Variants in RERG observed in about 807,000 individuals in gnomAD.
The protein encoded by RERG is ras-related and estrogen-regulated growth inhibitor.
RERG carries 25 observed loss-of-function variants against 23.2 expected under a neutral mutation model. That is an observed-to-expected ratio of 1.08 (90% confidence interval 0.79 to 1.50). The LOEUF (loss-of-function observed/expected upper bound fraction) is 1.50, where lower values mean the gene tolerates loss of function less well. RERG is among the 40% of genes most tolerant of loss of function. The pLI is 0.00. For synonymous variants in RERG, 81 were observed against 89.1 expected, an observed-to-expected ratio of 0.91 and a Z score of 0.51; for missense variants, 253 against 250.1, an observed-to-expected ratio of 1.01 and a Z score of -0.08.
Position 15,208,699 on chromosome 12 carries a change from A to T in RERG, c.61+8730T>A, listed in dbSNP as rs544898954. The stretch of plus-strand genomic sequence containing the variant: ...AATGAACAACTGAATGAATGAATAA[A>T]AATATATTTTAAGATTGTAGGGAAA... On this transcript the variant is annotated intron_variant, in intron 2 of 4. Coordinates refer to ENST00000256953, the MANE Select transcript of RERG (RefSeq NM_032918.3). Among the ~76,000 whole-genome samples the T allele has an allele frequency of 3.7e-4, 56 of 152,314 alleles. 1 individual carries two copies. The highest frequency in any genetic ancestry group is 6.3e-4 in the Non-Finnish European group (43 of 68,022).
chr12:15,184,595 C>A (rs1267359150), intron 2 of RERG, among the ~76,000 whole-genome samples: 1 of 152,154 alleles, frequency 6.6e-6, no homozygotes, highest in Non-Finnish European at 1.5e-5. Context: ...ATCATTATTA[C>A]AGGCTGTAAA....
chr12:15,145,999 T>C (rs528874657), intron 2 of RERG, among the ~76,000 whole-genome samples: 1 of 152,322 alleles, frequency 6.6e-6, no homozygotes, highest in East Asian at 1.9e-4. Context: ...ACAAGCCCTT[T>C]GGGAGAAATG....
At chr12:15,113,864 C>T (rs2136083882) in intron 3 of RERG, among the ~76,000 whole-genome samples, 1 of 151,958 alleles carries the variant, frequency 6.6e-6, no homozygotes, top group African/African-American at 2.4e-5. Flanking sequence ...TTTTGAGACG[C>T]TCAAGAAACT....
rs549044598 is a variant in RERG, at chr12:15,183,461, CT to C, written c.61+33967del. On this transcript the variant is annotated intron_variant, in intron 2 of 4. Coordinates refer to ENST00000256953, the MANE Select transcript of RERG (RefSeq NM_032918.3). Reference sequence around the variant, plus strand: ...TGAAATATATATTAATAAAGTATCTCTTTTTTAGATAAAAAAGGCATTTATC... The same window carrying C: ...TGAAATATATATTAATAAAGTATCTCTTTTTAGATAAAAAAGGCATTTATC... Among the ~76,000 whole-genome samples the C allele has an allele frequency of 7.2e-4, 110 of 152,056 alleles. 1 individual carries two copies. The South Asian group carries it at 0.023, about 31-fold the overall frequency.
At chr12:15,121,875 T>C (rs2136088913) in intron 2 of RERG, among the ~76,000 whole-genome samples, 1 of 152,306 alleles carries the variant, frequency 6.6e-6, no homozygotes, top group Non-Finnish European at 1.5e-5. Context: ...TCAAACTGAA[T>C]TTAAGTCCTA....
At chr12:15,191,963 C>T (rs1328793438) in intron 2 of RERG, among the ~76,000 whole-genome samples, 1 of 152,012 alleles carries the variant, frequency 6.6e-6, no homozygotes, top group Non-Finnish European at 1.5e-5. Context: ...TGAACAAATG[C>T]CAAGTATCAT....
chr12:15,158,174 T>C (rs964213325), intron 2 of RERG, among the ~76,000 whole-genome samples: 1 of 152,226 alleles, frequency 6.6e-6, no homozygotes, highest in African/African-American at 2.4e-5. Flanking sequence ...ATGCCCTTTC[T>C]AGTTACTTTC....
At chr12:15,121,638 T>C (rs1297170318) in intron 2 of RERG, among the ~76,000 whole-genome samples, 2 of 152,236 alleles carry the variant, frequency 1.3e-5, no homozygotes, top group African/African-American at 4.8e-5. Context: ...AAAGTAGCAC[T>C]GATAGAATAC....
chr12:15,193,088 A>C (rs1865094633), intron 2 of RERG, among the ~76,000 whole-genome samples: 1 of 152,150 alleles, frequency 6.6e-6, no homozygotes, highest in South Asian at 2.1e-4. Flanking sequence ...GTTTCTGCTT[A>C]AATTTCTACC....
intron 2 of RERG, among the ~76,000 whole-genome samples, chr12:15,207,363 A>G (rs1317798667): frequency 6.6e-6 from 1 of 152,152 alleles, no homozygotes; most frequent in Non-Finnish European, 1.5e-5. Flanking sequence ...ATGAACATCT[A>G]TACCTGGGTT....
intron 2 of RERG, among the ~76,000 whole-genome samples, chr12:15,134,812 T>C (rs1263220256): frequency 1.3e-5 from 2 of 152,092 alleles, no homozygotes; most frequent in Admixed American, 1.3e-4. Context: ...AGTTTCACCA[T>C]GTTGGCCAGG....
chr12:15,156,909 C>T (rs764920672), intron 2 of RERG, among the ~76,000 whole-genome samples: 29 of 152,248 alleles, frequency 1.9e-4, no homozygotes, highest in East Asian at 1.4e-3. Flanking sequence ...AAAATAGTGC[C>T]TATCTCATAG....
At chr12:15,218,123 C>T (rs1865467430) in intron 1 of RERG, 1 of 152,254 alleles carries the variant, frequency 6.6e-6, no homozygotes, top group Non-Finnish European at 1.5e-5. Context: ...TGATGAATTC[C>T]TGTGACAGAT....
intron 2 of RERG, among the ~76,000 whole-genome samples, chr12:15,144,237 T>C (rs1864291083): frequency 6.6e-6 from 1 of 152,186 alleles, no homozygotes; most frequent in African/African-American, 2.4e-5. Flanking sequence ...GATAACTTGG[T>C]AATATCTTTT....
chr12:15,154,037 G>A (rs1234953057), intron 2 of RERG, among the ~76,000 whole-genome samples: 1 of 152,106 alleles, frequency 6.6e-6, no homozygotes, highest in Non-Finnish European at 1.5e-5. Flanking sequence ...CTAGGACAGA[G>A]GCAGGGAACA....
At chr12:15,140,410 T>C (rs898369381) in intron 2 of RERG, among the ~76,000 whole-genome samples, 1 of 152,212 alleles carries the variant, frequency 6.6e-6, no homozygotes, top group Non-Finnish European at 1.5e-5. Context: ...ACATCATTAC[T>C]ATTATCATTT....
chr12:15,145,830 C>G (rs1864322959), intron 2 of RERG, among the ~76,000 whole-genome samples: 1 of 152,224 alleles, frequency 6.6e-6, no homozygotes. Flanking sequence ...GTAAAATGGA[C>G]TATTTCAACT....
chr12:15,154,360 T>G (rs1382445003), intron 2 of RERG: 2 of 152,212 alleles, frequency 1.3e-5, no homozygotes, highest in Non-Finnish European at 2.9e-5. Context: ...TTTTAAAGTT[T>G]GCCAGACCAA....
At position 15,109,199 on chromosome 12, in the gene RERG, T is replaced by C; in HGVS notation, c.511A>G (p.Arg171Gly). The C allele has an allele frequency of 1.2e-6, 2 of 1,613,762 alleles. No homozygotes were observed. The highest frequency in any genetic ancestry group is 1.7e-6 in the Non-Finnish European group (2 of 1,179,902). The change falls in exon 5 of 5, where the codon AGG (arginine) becomes GGG (glycine). Residue 171 changes from arginine (R) to glycine (G), a missense_variant. Physicochemically the swap from Arg to Gly is moderately radical, Grantham distance 125. Coordinates refer to ENST00000256953, the MANE Select transcript of RERG (RefSeq NM_032918.3). Reference protein sequence around the residue: ...YELCREVRRRRMVQGKTRRRS... With the variant: ...YELCREVRRRGMVQGKTRRRS... ...CGCCTCGTCTTGCCCTGCACCATCCTCCGGCGACGCACCTCTCGACACAAT... is the reference window on the plus strand; with the variant it reads ...CGCCTCGTCTTGCCCTGCACCATCCCCCGGCGACGCACCTCTCGACACAAT...
Sources: gnomAD v4.1 joint callset for allele counts (sites outside exome capture counted in the v4.1 genomes callset) on GRCh38, gnomAD v4.1.1 for gene constraint, MANE v1.5 for transcripts, NCBI Gene and HGNC (gene_info 2026-07-23, HGNC 2026-07-21) for gene names.